The following HELZ variants were observed in gnomAD, a reference collection of about 807,000 sequenced individuals.
HELZ encodes helicase with zinc finger.
HELZ carries 23 observed loss-of-function variants against 218.2 expected under a neutral mutation model. The ratio of observed to expected loss-of-function variants is 0.11; its 90% confidence interval spans 0.08 to 0.15. The LOEUF (loss-of-function observed/expected upper bound fraction) is 0.15. Ranked by LOEUF, HELZ falls within the 10% of genes least tolerant of loss-of-function variation. The pLI, the probability that HELZ is intolerant of heterozygous loss-of-function variation, is 1.00. For synonymous variants in HELZ, 814 were observed against 829.4 expected, an observed-to-expected ratio of 0.98 and a Z score of 0.32; for missense variants, 1,813 against 2,353.7, an observed-to-expected ratio of 0.77 and a Z score of 4.75.
rs746361696 is a variant in HELZ, at chr17:67,189,634, G to A, written c.819C>T (p.Ser273=). The A allele has an allele frequency of 6.2e-7, 1 of 1,613,656 alleles. No individual in the cohort carries two copies. Among genetic ancestry groups the A allele is most frequent in the Admixed American group, 1.7e-5 (1 of 60,012 alleles). The change falls in exon 11 of 33, where the codon AGC becomes AGT. Residue 273 remains serine (S), a synonymous_variant. Coordinates refer to ENST00000358691, the MANE Select transcript of HELZ (RefSeq NM_014877.4). ...TCCATGTCTGGTGGGATTTTTTGGTGCTGACAGTAACTGACAGGTCAGGAT... is the reference window on the plus strand; with the variant it reads ...TCCATGTCTGGTGGGATTTTTTGGTACTGACAGTAACTGACAGGTCAGGAT... ...EHNPDLSVTV[S]TKKSHQTWTF... is the part of the protein sequence containing the mutation.
chr17:67,076,731 C>T lies in HELZ; in HGVS notation c.*1521G>A, dbSNP rs1311563099. ...TTTCTTTACCTTTGCCATTTTACAA[C>T]CTGATTTTAAAAATGTACTTTGATT... is the stretch of plus-strand genomic sequence containing the variant. On this transcript the variant is annotated 3_prime_UTR_variant, in exon 33 of 33. Coordinates refer to ENST00000358691, the MANE Select transcript of HELZ (RefSeq NM_014877.4). 1 of 152,130 alleles carries T rather than the reference C, an allele frequency of 6.6e-6. No homozygotes were observed. The highest frequency in any genetic ancestry group is 1.5e-5 in the Non-Finnish European group (1 of 68,032). The allele number at this position is 152,130 out of a possible 1,614,324, so 9.4% of individuals were successfully genotyped here.
At chr17:67,081,951 G>A (rs372208197) in intron 32 of HELZ, among the ~76,000 whole-genome samples, 149 of 152,144 alleles carry the variant, frequency 9.8e-4, no homozygotes, top group African/African-American at 3.3e-3. Context: ...CAATTTACAA[G>A]GAAAAGCAGG....
chr17:67,081,939 A>G (rs1272535029), intron 32 of HELZ, among the ~76,000 whole-genome samples: 1 of 151,436 alleles, frequency 6.6e-6, no homozygotes, highest in Non-Finnish European at 1.5e-5. Flanking sequence ...TGATCAGAAG[A>G]CCAATTTACA....
chr17:67,221,188 T>C (rs1598448106), intron 3 of HELZ, among the ~76,000 whole-genome samples: 1 of 152,232 alleles, frequency 6.6e-6, no homozygotes, highest in African/African-American at 2.4e-5. Flanking sequence ...TTTTTTGCTG[T>C]GGGCCATTCT....
intron 32 of HELZ, among the ~76,000 whole-genome samples, chr17:67,085,788 A>G (rs2036351356): frequency 6.6e-6 from 1 of 152,242 alleles, no homozygotes; most frequent in African/African-American, 2.4e-5. Flanking sequence ...AGAGAATTCA[A>G]GCAGTATAAT....
At chr17:67,241,663 T>G (rs990602734) in intron 2 of HELZ, among the ~76,000 whole-genome samples, 37 of 152,212 alleles carry the variant, frequency 2.4e-4, no homozygotes, top group Admixed American at 2.4e-3. Context: ...TCTATGGCAT[T>G]AGAAAATAAA....
intron 1 of HELZ, 105 bp from the exon 2 acceptor site, chr17:67,243,944 G>A (rs1305850053): frequency 2.0e-6 from 2 of 982,036 alleles, no homozygotes; most frequent in Non-Finnish European, 2.4e-6. Flanking sequence ...ATTTAAAATG[G>A]AAAAAGTTAC....
intron 32 of HELZ, among the ~76,000 whole-genome samples, chr17:67,081,715 T>C (rs2036194899): frequency 6.6e-6 from 1 of 152,170 alleles, no homozygotes; most frequent in Non-Finnish European, 1.5e-5. Context: ...CTTGTGTTCA[T>C]GTCTAGAAGG....
At chr17:67,157,561 T>C (rs1332221569) in intron 17 of HELZ, among the ~76,000 whole-genome samples, 2 of 152,192 alleles carry the variant, frequency 1.3e-5, no homozygotes, top group Admixed American at 6.5e-5. Context: ...AATTGGAGAA[T>C]TGACGGTAAC....
chr17:67,189,450 T>A, intron 11 of HELZ, 139 bp downstream of exon 11: 1 of 527,916 alleles, frequency 1.9e-6, no homozygotes, highest in African/African-American at 1.9e-5. Flanking sequence ...AAATATACTT[T>A]AGTACAATAT....
intron 3 of HELZ, among the ~76,000 whole-genome samples, chr17:67,222,954 C>T (rs559826802): frequency 3.9e-4 from 60 of 152,132 alleles, no homozygotes; most frequent in African/African-American, 1.4e-3. Flanking sequence ...AGGGCAGATA[C>T]TGACTAAGTG....
chr17:67,129,004 A>T, intron 23 of HELZ, 149 bp from the exon 24 acceptor site: 1 of 655,282 alleles, frequency 1.5e-6, no homozygotes, highest in East Asian at 2.7e-5. Context: ...AAATCTTTCT[A>T]CCAGATCACA....
intron 26 of HELZ, among the ~76,000 whole-genome samples, chr17:67,121,907 G>T (rs2037621765): frequency 6.6e-6 from 1 of 152,100 alleles, no homozygotes; most frequent in African/African-American, 2.4e-5. Context: ...CTTGGGAACA[G>T]TTTTTGACTT....
chr17:67,231,356 G>A (rs757459232), intron 3 of HELZ, among the ~76,000 whole-genome samples: 14 of 152,022 alleles, frequency 9.2e-5, no homozygotes, highest in Non-Finnish European at 1.8e-4. Context: ...CACTTTGGGA[G>A]GCCAAGCCAA....
intron 18 of HELZ, 142 bp from the exon 19 acceptor site, chr17:67,150,127 T>C: frequency 2.3e-6 from 1 of 435,768 alleles, no homozygotes; most frequent in South Asian, 2.6e-5. Flanking sequence ...ATTTATTTTC[T>C]TTCTTTTTTT....
chr17:67,215,824 G>T, intron 5 of HELZ, 75 bp downstream of exon 5: 5 of 983,080 alleles, frequency 5.1e-6, no homozygotes, highest in East Asian at 2.5e-5. Context: ...CATCATTTTT[G>T]AAATTAGCCA....
At chr17:67,117,562 T>C (rs1226692554) in intron 27 of HELZ, among the ~76,000 whole-genome samples, 1 of 151,886 alleles carries the variant, frequency 6.6e-6, no homozygotes, top group Non-Finnish European at 1.5e-5. Flanking sequence ...CTTTTTTTTT[T>C]TTTTTGAGAC....
chr17:67,236,051 C>T (rs1356269874), intron 3 of HELZ, among the ~76,000 whole-genome samples: 2 of 152,078 alleles, frequency 1.3e-5, no homozygotes, highest in Admixed American at 1.3e-4. Flanking sequence ...TGAGCCACTG[C>T]ACCCAGCCTC....
At chr17:67,193,480 G>A (rs2039949928) in intron 9 of HELZ, among the ~76,000 whole-genome samples, 1 of 152,094 alleles carries the variant, frequency 6.6e-6, no homozygotes, top group African/African-American at 2.4e-5. Flanking sequence ...CACTTTGGGA[G>A]GCCAAAGTGG....
Sources: gnomAD v4.1 joint callset for allele counts (sites outside exome capture counted in the v4.1 genomes callset) on GRCh38, gnomAD v4.1.1 for gene constraint, MANE v1.5 for transcripts, NCBI Gene and HGNC (gene_info 2026-07-23, HGNC 2026-07-21) for gene names.